NF1: variants seen among roughly 807,000 people sequenced by gnomAD.
NF1 encodes the protein neurofibromin.
In NF1, 122 loss-of-function variants were observed where a neutral mutation model predicts 325.7. That is an observed-to-expected ratio of 0.37 (90% CI 0.32 to 0.44). The LOEUF (loss-of-function observed/expected upper bound fraction) is 0.44, where lower values mean the gene tolerates loss of function less well. NF1 is among the 20% of genes least tolerant of loss of function. NF1 has a pLI of 1.00. For synonymous variants in NF1, 1,091 were observed against 1,186.0 expected, an observed-to-expected ratio of 0.92 and a Z score of 1.65; for missense variants, 2,140 against 3,415.4, an observed-to-expected ratio of 0.63 and a Z score of 9.31.
Position 31,095,194 on chromosome 17 carries a change from C to A in NF1, c.-116C>A. ...CCCGTGGGAACACTGGGAGCCTGCACTCCACAGACCCTCTCCTTGCCTCTT... is the reference window on the plus strand; with the variant it reads ...CCCGTGGGAACACTGGGAGCCTGCAATCCACAGACCCTCTCCTTGCCTCTT... On this transcript the variant is annotated 5_prime_UTR_variant, in exon 1 of 58. Transcript: ENST00000358273. The A allele has an allele frequency of 1.1e-6, 1 of 950,618 alleles. No homozygotes were observed. Among genetic ancestry groups the A allele is most frequent in the South Asian group, 1.4e-5 (1 of 72,248 alleles). 58.9% of individuals were successfully genotyped at this position (950,618 alleles called of 1,614,324 possible). A position where few individuals can be genotyped will look rare whatever the true frequency, so the allele number is the denominator to read the frequency against.
chr17:31,223,875 T>C (rs1363837343), intron 16 of NF1, among the ~76,000 whole-genome samples: 2 of 152,180 alleles, frequency 1.3e-5, no homozygotes. Context: ...AGGAGCATAT[T>C]GTATCTTTAC....
intron 12 of NF1, among the ~76,000 whole-genome samples, chr17:31,209,691 C>T (rs553291609): frequency 6.6e-6 from 1 of 152,102 alleles, no homozygotes; most frequent in Admixed American, 6.5e-5. Flanking sequence ...ACTCTGTCAC[C>T]CAGGCTGGAG....
At chr17:31,305,555 ATGTAT>A (rs1353441710) in intron 36 of NF1, 1 of 1,614,186 alleles carries the variant, frequency 6.2e-7, no homozygotes, top group South Asian at 1.1e-5. Context: ...TTTGAAAAAA[ATGTAT>A]TGTTCAGGTG....
At chr17:31,223,299 G>T in intron 15 of NF1, 145 bp from the exon 16 acceptor site, 1 of 950,956 alleles carries the variant, frequency 1.1e-6, no homozygotes, top group Non-Finnish European at 1.6e-6. Flanking sequence ...TTGACACTTT[G>T]ATAACTGTTT....
At chr17:31,179,410 G>A (rs1295624640) in intron 5 of NF1, among the ~76,000 whole-genome samples, 1 of 152,144 alleles carries the variant, frequency 6.6e-6, no homozygotes, top group African/African-American at 2.4e-5. Context: ...GATAAAGCAG[G>A]AAAGATCTAA....
At position 31,227,106 on chromosome 17, in the gene NF1, T is replaced by A. The variant is rs1297522338; in HGVS notation, c.2252-112T>A. ...GAAAGGAAGTTTTTGGCTTTATCAT[T>A]TGAAGCATTTGCTCTGCTCTTCCTA... On this transcript the variant is annotated intron_variant, in intron 18 of 57. Transcript: ENST00000358273. 3.9e-5 allele frequency: 44 copies of A among 1,122,562 alleles called. No homozygotes were observed. The Admixed American group carries it at 7.5e-4, about 19-fold the overall frequency. The allele number at this position is 1,122,562 out of a possible 1,614,324, so 69.5% of individuals were successfully genotyped here. A position where few individuals can be genotyped will look rare whatever the true frequency, so the allele number is the denominator to read the frequency against.
chr17:31,116,570 C>G (rs995084969), intron 1 of NF1, among the ~76,000 whole-genome samples: 1 of 152,132 alleles, frequency 6.6e-6, no homozygotes, highest in African/African-American at 2.4e-5. Context: ...AAGGCCCTAT[C>G]AAAACATCAT....
At chr17:31,103,371 T>G (rs1912540075) in intron 1 of NF1, among the ~76,000 whole-genome samples, 1 of 152,048 alleles carries the variant, frequency 6.6e-6, no homozygotes, top group East Asian at 1.9e-4. Flanking sequence ...GCCTCCCAAG[T>G]AGCTGGGATT....
At chr17:31,305,644 A>G (rs2068699500) in intron 36 of NF1, 3 of 1,573,900 alleles carry the variant, frequency 1.9e-6, no homozygotes, top group Non-Finnish European at 2.6e-6. Flanking sequence ...TAGCGGGTTT[A>G]TAATGAAAGA....
intron 29 of NF1, among the ~76,000 whole-genome samples, chr17:31,239,303 A>C (rs1375351904): frequency 6.6e-6 from 1 of 152,224 alleles, no homozygotes. Context: ...TAGTGGGCTT[A>C]TCAGTAGTCT....
intron 1 of NF1, among the ~76,000 whole-genome samples, chr17:31,151,491 A>G (rs1260555430): frequency 6.6e-6 from 1 of 152,210 alleles, no homozygotes; most frequent in East Asian, 1.9e-4. Context: ...CTTGCCGTTT[A>G]GCACAGTTTG....
chr17:31,339,022 G>T (rs2069754083), intron 46 of NF1, among the ~76,000 whole-genome samples: 1 of 151,994 alleles, frequency 6.6e-6, no homozygotes, highest in Non-Finnish European at 1.5e-5. Flanking sequence ...GTAAGTTTTT[G>T]GTCTCATCAG....
chr17:31,202,495 C>T (rs2143893023), intron 11 of NF1, among the ~76,000 whole-genome samples: 1 of 152,244 alleles, frequency 6.6e-6, no homozygotes, highest in African/African-American at 2.4e-5. Context: ...TTTGGTGATA[C>T]ATTTAATTTT....
chr17:31,342,559 G>A (rs1284752180), intron 47 of NF1, among the ~76,000 whole-genome samples: 1 of 152,174 alleles, frequency 6.6e-6, no homozygotes, highest in Non-Finnish European at 1.5e-5. Flanking sequence ...CTGCACTCCA[G>A]CCTGGGCGAC....
At chr17:31,204,980 T>C (rs188228635) in intron 11 of NF1, among the ~76,000 whole-genome samples, 17 of 152,242 alleles carry the variant, frequency 1.1e-4, no homozygotes, top group Non-Finnish European at 1.0e-4. Context: ...TTAAATAAAG[T>C]AGGAGTTGAG....
intron 11 of NF1, among the ~76,000 whole-genome samples, chr17:31,202,419 T>C (rs1488871636): frequency 6.6e-6 from 1 of 152,212 alleles, no homozygotes; most frequent in Non-Finnish European, 1.5e-5. Context: ...GTTGTATTTA[T>C]TTAAAATAAA....
Position 31,225,252 on chromosome 17 carries a change from T to C in NF1, c.2001+2T>C, listed in dbSNP as rs1421531300. On this transcript the variant is annotated splice_donor_variant, in intron 17 of 57. Coordinates refer to ENST00000358273, the MANE Select transcript of NF1 (RefSeq NM_001042492.3). LOFTEE classifies it high-confidence loss of function. Reference sequence around the variant, plus strand: ...AAGGGAAAAGGGAACTCCTCTATGGTCAGCTTCTTCTGTACTTTTTCTGTA... The same window carrying C: ...AAGGGAAAAGGGAACTCCTCTATGGCCAGCTTCTTCTGTACTTTTTCTGTA... The C allele has an allele frequency of 6.2e-7, 1 of 1,613,468 alleles. No individual in the cohort carries two copies. Among genetic ancestry groups the C allele is most frequent in the African/African-American group, 1.3e-5 (1 of 75,018 alleles).
At chr17:31,155,103 C>T (rs1205371293) in intron 1 of NF1, among the ~76,000 whole-genome samples, 1 of 152,132 alleles carries the variant, frequency 6.6e-6, no homozygotes, top group Non-Finnish European at 1.5e-5. Flanking sequence ...GCCCCTCGGT[C>T]TCTTTCCACC....
At chr17:31,243,180 C>CTGTGTGTGTGTGTGTG (rs1162406311) in intron 29 of NF1, among the ~76,000 whole-genome samples, 77 of 73,280 alleles carry the variant, frequency 1.1e-3, no homozygotes, top group African/African-American at 6.9e-3. Flanking sequence ...GTCTCTCTCT[C>CTGTGTGTGTGTGTGTG]TGTCTGTGTG....
Sources: allele counts gnomAD v4.1 joint callset (sites outside exome capture counted in the v4.1 genomes callset), GRCh38; gene constraint gnomAD v4.1.1; transcripts MANE v1.5; gene names NCBI Gene and HGNC (gene_info 2026-07-23, HGNC 2026-07-21).